RYR2: variants seen among roughly 807,000 people sequenced by gnomAD.
RYR2 encodes the protein cardiac muscle ryanodine receptor-calcium release channel.
Under a neutral mutation model 601.1 loss-of-function variants are expected in RYR2, and 227 were observed. The observed-to-expected ratio is 0.38, with a 90% CI of 0.34 to 0.42. RYR2 has a LOEUF of 0.42. Ranked by LOEUF, RYR2 falls within the 10% of genes least tolerant of loss-of-function variation. The probability of loss-of-function intolerance (pLI) is 1.00; values close to 1 mark genes in which losing one functional copy is unlikely to be tolerated. For missense variants in RYR2, 4,646 were observed against 6,156.5 expected (o/e 0.75, Z 8.21); for synonymous variants, 2,223 against 2,175.1 (o/e 1.02, Z -0.61).
intron 16 of RYR2, among the ~76,000 whole-genome samples, chr1:237,458,231 C>A (rs1659065230): frequency 6.6e-6 from 1 of 152,094 alleles, no homozygotes; most frequent in African/African-American, 2.4e-5. Flanking sequence ...ATTTCGAGAC[C>A]AGCCTGACCA....
chr1:237,473,716 C>T (rs1044640256), intron 17 of RYR2, among the ~76,000 whole-genome samples: 1 of 152,034 alleles, frequency 6.6e-6, no homozygotes, highest in Non-Finnish European at 1.5e-5. Context: ...CTCCTTTCCT[C>T]AGTGCCCCCT....
chr1:237,168,747 T>G (rs971106731), intron 1 of RYR2, among the ~76,000 whole-genome samples: 1 of 152,240 alleles, frequency 6.6e-6, no homozygotes, highest in Non-Finnish European at 1.5e-5. Context: ...TGGCTGTCAG[T>G]TATACGCCGC....
chr1:237,830,467 G>A (rs1663647435), intron 102 of RYR2, 63 bp from the exon 103 acceptor site: 2 of 970,622 alleles, frequency 2.1e-6, no homozygotes, highest in Non-Finnish European at 3.4e-6. Flanking sequence ...TACATGGCGA[G>A]TTGTGTTTTC....
At chr1:237,159,832 G>T (rs982819130) in intron 1 of RYR2, among the ~76,000 whole-genome samples, 10 of 152,116 alleles carry the variant, frequency 6.6e-5, no homozygotes, top group African/African-American at 2.4e-4. Flanking sequence ...ATCTTTTAAG[G>T]CCTATATTAA....
chr1:237,191,524 G>T (rs1397189801), intron 1 of RYR2, among the ~76,000 whole-genome samples: 1 of 151,968 alleles, frequency 6.6e-6, no homozygotes, highest in Non-Finnish European at 1.5e-5. Context: ...TGTTTACCAG[G>T]CTGAGCAAGA....
chr1:237,798,132 AAAG>A lies in RYR2; in HGVS notation c.14059_14061del (p.Lys4687del), dbSNP rs1245102430. The A allele has an allele frequency of 4.3e-6, 7 of 1,612,340 alleles. No homozygotes were observed. Among genetic ancestry groups the A allele is most frequent in the Admixed American group, 1.7e-5 (1 of 59,856 alleles). ...CTCTGGACTTCAGTGATGCCAGAGA[AAAG>A]AAGAAGCCAAAGAAAGACAGCTCCT... On this transcript the variant is annotated inframe_deletion, in exon 97 of 105. Transcript: ENST00000366574.
chr1:237,108,969 T>A (rs566356235), intron 1 of RYR2, among the ~76,000 whole-genome samples: 1 of 152,280 alleles, frequency 6.6e-6, no homozygotes, highest in South Asian at 2.1e-4. Context: ...ATATCACTCT[T>A]TACATGAACA....
chr1:237,383,018 C>T (rs985941118), intron 8 of RYR2, among the ~76,000 whole-genome samples: 1 of 151,450 alleles, frequency 6.6e-6, no homozygotes, highest in African/African-American at 2.4e-5. Flanking sequence ...TGTTGCATCA[C>T]CAGGGCCGAA....
Position 237,711,792 on chromosome 1 carries a change from C to T in RYR2, c.10278C>T (p.Asn3426=), listed in dbSNP as rs1159479763. The change falls in exon 71 of 105, where the codon AAC becomes AAT. Residue 3426 remains asparagine, a synonymous_variant. Coordinates refer to ENST00000366574, the MANE Select transcript of RYR2 (RefSeq NM_001035.3). ...ACTTCGTTGTACAGAATGAAATCAA[C>T]AATATGTCTTTCCTTATTACTGATA... ...EQNFVVQNEI[N]NMSFLITDTK... 8 of 1,582,310 alleles carry T rather than the reference C, an allele frequency of 5.1e-6. No individual in the cohort carries two copies. Among genetic ancestry groups the T allele is most frequent in the Non-Finnish European group, 6.9e-6 (8 of 1,153,344 alleles).
intron 1 of RYR2, among the ~76,000 whole-genome samples, chr1:237,159,576 A>T (rs1220984412): frequency 6.6e-6 from 1 of 152,070 alleles, no homozygotes; most frequent in Non-Finnish European, 1.5e-5. Context: ...CATGCCTGTA[A>T]TCCCAGCATT....
At chr1:237,103,184 A>C (rs1004241686) in intron 1 of RYR2, among the ~76,000 whole-genome samples, 4 of 152,192 alleles carry the variant, frequency 2.6e-5, no homozygotes, top group Non-Finnish European at 4.4e-5. Context: ...GTCCATTGGA[A>C]ATTGGGCTTA....
At chr1:237,449,758 G>GTT (rs34816071) in intron 14 of RYR2, among the ~76,000 whole-genome samples, 5,989 of 149,390 alleles carry the variant, frequency 0.04, 134 homozygotes, top group East Asian at 0.098. Flanking sequence ...AGATTGACAA[G>GTT]TTTTTTTTTT....
At position 237,408,893 on chromosome 1, in the gene RYR2, A is replaced by G. The variant is rs565710859; in HGVS notation, c.774-8156A>G. 1.1e-3 allele frequency among the ~76,000 whole-genome samples: 162 copies of G among 152,050 alleles called. 1 individual carries two copies. The highest frequency in any genetic ancestry group is 3.7e-3 in the African/African-American group (153 of 41,490). On this transcript the variant is annotated intron_variant, in intron 10 of 104. Coordinates refer to ENST00000366574, the MANE Select transcript of RYR2 (RefSeq NM_001035.3). ...AGTTGTCTTTATTTAGATTTTGTAC[A>G]TATTTTGTTAGATTTGTATTTCAGC...
intron 24 of RYR2, among the ~76,000 whole-genome samples, chr1:237,516,365 C>T (rs571017381): frequency 7.2e-5 from 11 of 152,204 alleles, no homozygotes; most frequent in South Asian, 2.1e-4. Flanking sequence ...GTGATCCACC[C>T]GCCTCAGCCT....
At chr1:237,146,621 AT>A (rs562641754) in intron 1 of RYR2, among the ~76,000 whole-genome samples, 1 of 151,990 alleles carries the variant, frequency 6.6e-6, no homozygotes, top group African/African-American at 2.4e-5. Flanking sequence ...TTAAAAATGC[AT>A]TTTTTCACCA....
intron 15 of RYR2, 60 bp from the exon 16 acceptor site, chr1:237,456,540 G>T (rs1010542882): frequency 1.4e-6 from 2 of 1,429,798 alleles, no homozygotes; most frequent in African/African-American, 1.4e-5. Flanking sequence ...TTTTTAGTCT[G>T]TAAGCAGAAT....
intron 2 of RYR2, among the ~76,000 whole-genome samples, chr1:237,293,947 A>G (rs1296701360): frequency 6.6e-6 from 1 of 151,980 alleles, no homozygotes; most frequent in Admixed American, 6.6e-5. Context: ...GTGTTGGGGG[A>G]AGGCTTAAAG....
chr1:237,230,528 A>C (rs1266974696), intron 1 of RYR2, among the ~76,000 whole-genome samples: 5 of 152,190 alleles, frequency 3.3e-5, no homozygotes, highest in Admixed American at 2.6e-4. Context: ...TTTTTCAAGA[A>C]ACTAGGTTAT....
intron 1 of RYR2, among the ~76,000 whole-genome samples, chr1:237,058,814 C>T (rs1174344288): frequency 2.8e-5 from 3 of 106,648 alleles, no homozygotes; most frequent in Non-Finnish European, 3.9e-5. Context: ...GGCCGGGGGG[C>T]GGGGTGTTCA....
Sources: gnomAD v4.1 joint callset for allele counts (sites outside exome capture counted in the v4.1 genomes callset) on GRCh38, gnomAD v4.1.1 for gene constraint, MANE v1.5 for transcripts, NCBI Gene and HGNC (gene_info 2026-07-23, HGNC 2026-07-21) for gene names.